The following DNM2 variants were observed in gnomAD, a reference collection of about 807,000 sequenced individuals.
The protein encoded by DNM2 is dynamin 2, also known as dynamin-2.
A neutral mutation model predicts 99.0 loss-of-function variants in DNM2; 15 were observed. That is an observed-to-expected ratio of 0.15 (90% CI 0.10 to 0.23). DNM2 has a LOEUF of 0.23. DNM2 is among the 10% of genes least tolerant of loss of function. DNM2 has a pLI of 1.00. For synonymous variants in DNM2, 525 were observed against 481.2 expected (o/e 1.09, Z -1.19); for missense variants, 742 against 1,189.4 (o/e 0.62, Z 5.53).
rs1307699531 is a variant in DNM2, at chr19:10,818,070, C to CG, written c.1672-1910_1672-1909insG. ...CCTCCCCTAGCCCCTTCTAAAGCCC[C>CG]CAAAACTCTTCCCCGAAAGGTGGGA... is the stretch of plus-strand genomic sequence containing the variant. On this transcript the variant is annotated intron_variant, in intron 15 of 20. Coordinates refer to ENST00000389253, the MANE Select transcript of DNM2 (RefSeq NM_001005361.3). The surrounding 1 kb of genome is among the most constrained non-coding windows in gnomAD (Gnocchi z 4.3). Among the ~76,000 whole-genome samples the CG allele has an allele frequency of 6.6e-6, 1 of 152,106 alleles. No individual in the cohort carries two copies. Among genetic ancestry groups the CG allele is most frequent in the Non-Finnish European group, 1.5e-5 (1 of 68,008 alleles).
chr19:10,757,729 G>C (rs530859221), intron 1 of DNM2, among the ~76,000 whole-genome samples: 1 of 152,252 alleles, frequency 6.6e-6, no homozygotes, highest in South Asian at 2.1e-4. Context: ...CAGATCACCT[G>C]AGGTTGAGTT....
chr19:10,747,147 A>G (rs1001502261), intron 1 of DNM2, among the ~76,000 whole-genome samples: 1 of 151,602 alleles, frequency 6.6e-6, no homozygotes, highest in East Asian at 1.9e-4. Flanking sequence ...GATTATAGGC[A>G]CGAACCACTG....
intron 12 of DNM2, chr19:10,803,738 G>A (rs1472402118): frequency 7.2e-6 from 7 of 977,444 alleles, no homozygotes; most frequent in Non-Finnish European, 7.3e-6. Context: ...GGTGGCCCCA[G>A]CCCTGGGTGG....
At chr19:10,804,729 A>G (rs1043105010) in intron 12 of DNM2, among the ~76,000 whole-genome samples, 7 of 152,166 alleles carry the variant, frequency 4.6e-5, no homozygotes, top group Non-Finnish European at 1.0e-4. Context: ...AAGAAGCCCT[A>G]TAATAAACTT....
intron 1 of DNM2, among the ~76,000 whole-genome samples, chr19:10,747,377 C>T (rs1228730912): frequency 6.6e-6 from 1 of 152,146 alleles, no homozygotes; most frequent in Non-Finnish European, 1.5e-5. Flanking sequence ...GTCCCAGAGC[C>T]ACGATCACGA....
intron 5 of DNM2, among the ~76,000 whole-genome samples, chr19:10,781,980 T>A (rs1450235959): frequency 6.6e-6 from 1 of 152,158 alleles, no homozygotes; most frequent in Non-Finnish European, 1.5e-5. Flanking sequence ...TAAAATATAC[T>A]CGTTTGATAG....
chr19:10,767,549 C>A (rs919723918), intron 2 of DNM2, among the ~76,000 whole-genome samples: 1 of 152,220 alleles, frequency 6.6e-6, no homozygotes, highest in African/African-American at 2.4e-5. Context: ...TCTCCCACTT[C>A]AGCCTCCCAA....
At chr19:10,750,601 C>G (rs1157982220) in intron 1 of DNM2, among the ~76,000 whole-genome samples, 2 of 152,116 alleles carry the variant, frequency 1.3e-5, no homozygotes, top group Non-Finnish European at 2.9e-5. Context: ...GATTGTGCTG[C>G]TGATGCAGCC....
chr19:10,793,947 A>C, intron 8 of DNM2, 92 bp downstream of exon 8: 82 of 1,599,386 alleles, frequency 5.1e-5, no homozygotes, highest in Non-Finnish European at 6.0e-5. Context: ...ATAAGGTCTC[A>C]AGCTCCTACC....
At chr19:10,827,514 A>G (rs1357358574) in intron 18 of DNM2, among the ~76,000 whole-genome samples, 1 of 152,054 alleles carries the variant, frequency 6.6e-6, no homozygotes, top group African/African-American at 2.4e-5. Context: ...GGCTGCGGTG[A>G]GCAAAGATCG....
intron 8 of DNM2, among the ~76,000 whole-genome samples, chr19:10,794,182 G>A (rs966583166): frequency 2.0e-5 from 3 of 152,174 alleles, no homozygotes; most frequent in Non-Finnish European, 4.4e-5. Context: ...GGAAAAAATA[G>A]GCATTGGAGC....
chr19:10,823,037 G>A (rs1180485800), intron 16 of DNM2, among the ~76,000 whole-genome samples: 6 of 151,600 alleles, frequency 4.0e-5, no homozygotes, highest in African/African-American at 1.5e-4. Context: ...CCCGGGAGGC[G>A]GAGCTTGCAG....
At chr19:10,797,792 A>G (rs891648783) in intron 10 of DNM2, among the ~76,000 whole-genome samples, 49 of 152,182 alleles carry the variant, frequency 3.2e-4, no homozygotes, top group Non-Finnish European at 4.4e-4. Context: ...CCCTAGAGAA[A>G]GGGGTTTCCC....
intron 1 of DNM2, among the ~76,000 whole-genome samples, chr19:10,727,954 T>C (rs567913874): frequency 6.6e-6 from 1 of 152,126 alleles, no homozygotes; most frequent in Non-Finnish European, 1.5e-5. Flanking sequence ...TAATGAGATA[T>C]TTATAGGGCA....
rs1030976704 is a variant in DNM2 at position 10,770,580 on chromosome 19, G to A, written c.236-1899G>A. ...TGCTGATAAAGACGTATTTGAGACC[G>A]GGCAATTTACAAAAGAAAGAGGTTT... On this transcript the variant is annotated intron_variant, in intron 2 of 20. Transcript: ENST00000389253. 3.9e-5 allele frequency among the ~76,000 whole-genome samples: 6 copies of A among 152,060 alleles called. No individual in the cohort carries two copies. In the South Asian group the frequency reaches 8.3e-4, roughly 21 times the overall value.
intron 1 of DNM2, among the ~76,000 whole-genome samples, chr19:10,724,891 C>A (rs993224705): frequency 6.6e-6 from 1 of 152,176 alleles, no homozygotes. Flanking sequence ...TTTCCAGCTG[C>A]GTTTTTATTT....
At chr19:10,825,262 C>A in intron 18 of DNM2, 41 bp downstream of exon 18, 1 of 1,608,794 alleles carries the variant, frequency 6.2e-7, no homozygotes, top group Non-Finnish European at 8.5e-7. Flanking sequence ...TAGCTGGGTG[C>A]GGTGGCTCAC....
At chr19:10,793,650 A>G in intron 7 of DNM2, 70 bp from the exon 8 acceptor site, 1 of 1,613,774 alleles carries the variant, frequency 6.2e-7, no homozygotes, top group South Asian at 1.1e-5. Flanking sequence ...CCCTGGCTTG[A>G]CTTGGAACAT....
chr19:10,819,910 C>A (rs1017387662), intron 15 of DNM2, 70 bp from the exon 16 acceptor site: 1 of 1,443,420 alleles, frequency 6.9e-7, no homozygotes, highest in Non-Finnish European at 9.8e-7. Context: ...GCATGCTACA[C>A]GCTCTGGCCT....
Sources: allele counts gnomAD v4.1 joint callset (sites outside exome capture counted in the v4.1 genomes callset), GRCh38; gene constraint gnomAD v4.1.1; non-coding constraint Gnocchi (gnomAD v3.1); transcripts MANE v1.5; gene names NCBI Gene and HGNC (gene_info 2026-07-23, HGNC 2026-07-21).